LINGO2: variants seen among roughly 807,000 people sequenced by gnomAD.
LINGO2 encodes leucine rich repeat and Ig domain containing 2.
A neutral mutation model predicts 30.6 loss-of-function variants in LINGO2; 14 were observed. The ratio of observed to expected loss-of-function variants is 0.46; its 90% CI spans 0.30 to 0.72. LINGO2 has a LOEUF of 0.72. LINGO2 is among the 30% of genes least tolerant of loss of function. The pLI, the probability that LINGO2 is intolerant of heterozygous loss-of-function variation, is 0.07. For missense variants in LINGO2, 729 were observed against 751.7 expected (o/e 0.97, Z 0.35); for synonymous variants, 317 against 288.5 (o/e 1.10, Z -1.00).
At position 28,149,588 on chromosome 9, in the gene LINGO2, C is replaced by T. The variant is rs562478906; in HGVS notation, c.-86-137183G>A. ...AGTGAGGAGTGCCTGTGGAGTCCGC[C>T]GCCCTGTCTGGGAAGTGAGGAGTGC... On this transcript the variant is annotated intron_variant, in intron 4 of 5. Coordinates refer to ENST00000379992, the Ensembl canonical transcript of LINGO2. Among the ~76,000 whole-genome samples the T allele has an allele frequency of 2.8e-4, 42 of 149,808 alleles. No homozygotes were observed. In the South Asian group the frequency reaches 3.0e-3, roughly 11 times the overall value.
At chr9:28,127,258 AT>A (rs1463881258) in intron 4 of LINGO2, among the ~76,000 whole-genome samples, 1 of 152,102 alleles carries the variant, frequency 6.6e-6, no homozygotes, top group Non-Finnish European at 1.5e-5. Flanking sequence ...ATGTCCAGGG[AT>A]TTTGATGCTT....
intron 2 of LINGO2, among the ~76,000 whole-genome samples, chr9:28,419,748 A>G (rs890162529): frequency 1.3e-5 from 2 of 152,102 alleles, no homozygotes; most frequent in Non-Finnish European, 2.9e-5. Context: ...ATTCTGAAGA[A>G]TCTAAATTTG....
At chr9:29,098,502 T>C in the LINGO2 span, among the ~76,000 whole-genome samples, 20 of 150,884 alleles carry the variant, frequency 1.3e-4, no homozygotes, top group South Asian at 3.1e-3. Context: ...CACACATCAA[T>C]GAGGGGTATC....
the LINGO2 span, among the ~76,000 whole-genome samples, chr9:28,990,047 C>G: frequency 6.6e-6 from 1 of 152,204 alleles, no homozygotes; most frequent in Non-Finnish European, 1.5e-5. Flanking sequence ...GGGCGCAGGA[C>G]AGTGGTTGCA....
chr9:28,005,454 T>A (rs1822215802), intron 5 of LINGO2, among the ~76,000 whole-genome samples: 1 of 152,210 alleles, frequency 6.6e-6, no homozygotes, highest in African/African-American at 2.4e-5. Context: ...TCCCCTTCTC[T>A]TGCCAGTCTT....
chr9:28,689,999 C>G, the LINGO2 span, among the ~76,000 whole-genome samples: 13 of 152,204 alleles, frequency 8.5e-5, no homozygotes, highest in Non-Finnish European at 1.6e-4. Flanking sequence ...CATGTTCTCA[C>G]TTATAAGTGG....
the LINGO2 span, among the ~76,000 whole-genome samples, chr9:28,805,115 A>ATGTTAACATGTGATACTCAGGTTC: frequency 6.6e-6 from 1 of 152,156 alleles, no homozygotes; most frequent in Non-Finnish European, 1.5e-5. Context: ...TCTCGAGCAA[A>ATGTTAACATGTGATACTCAGGTTC]TGTTAACATG....
intron 1 of LINGO2, among the ~76,000 whole-genome samples, chr9:28,616,674 A>C (rs10812853): frequency 0.16 from 24,480 of 152,180 alleles, 2,423 homozygotes; most frequent in African/African-American, 0.27. Context: ...GAACTGGAAA[A>C]AAATGCACTG....
chr9:29,123,117 C>A, the LINGO2 span, among the ~76,000 whole-genome samples: 1 of 152,036 alleles, frequency 6.6e-6, no homozygotes, highest in African/African-American at 2.4e-5. Context: ...CAGGACAGAA[C>A]AGAACAGTTA....
At chr9:28,036,031 A>G (rs985267917) in intron 4 of LINGO2, among the ~76,000 whole-genome samples, 2 of 152,218 alleles carry the variant, frequency 1.3e-5, no homozygotes, top group African/African-American at 2.4e-5. Context: ...TAGATTTAGC[A>G]AAGTGCTTTG....
At chr9:28,397,164 A>G (rs181349797) in intron 2 of LINGO2, among the ~76,000 whole-genome samples, 5 of 152,222 alleles carry the variant, frequency 3.3e-5, no homozygotes, top group Non-Finnish European at 5.9e-5. Context: ...CTTGGCATGT[A>G]ATGAGTCTTG....
chr9:28,926,701 A>G, the LINGO2 span, among the ~76,000 whole-genome samples: 2 of 152,196 alleles, frequency 1.3e-5, no homozygotes, highest in Non-Finnish European at 2.9e-5. Context: ...GTGCTTAACT[A>G]TATATGTGGT....
chr9:28,857,684 A>T, the LINGO2 span, among the ~76,000 whole-genome samples: 1 of 152,106 alleles, frequency 6.6e-6, no homozygotes, highest in Non-Finnish European at 1.5e-5. Context: ...ACTTAAAATC[A>T]TATGAAATAT....
chr9:28,230,085 A>G (rs1821304881), intron 4 of LINGO2, among the ~76,000 whole-genome samples: 1 of 151,888 alleles, frequency 6.6e-6, no homozygotes, highest in South Asian at 2.1e-4. Flanking sequence ...GAAAAATTAA[A>G]ATAACTATCA....
the LINGO2 span, among the ~76,000 whole-genome samples, chr9:28,961,064 G>A: frequency 6.6e-6 from 1 of 152,064 alleles, no homozygotes; most frequent in Non-Finnish European, 1.5e-5. Context: ...TGCTCATGTA[G>A]ATTTATTTGG....
the LINGO2 span, among the ~76,000 whole-genome samples, chr9:28,784,163 G>T: frequency 6.6e-6 from 1 of 152,222 alleles, no homozygotes; most frequent in Non-Finnish European, 1.5e-5. Flanking sequence ...TAACTTTGCA[G>T]AGGCAACTGT....
intron 1 of LINGO2, among the ~76,000 whole-genome samples, chr9:28,541,022 A>C (rs1821670420): frequency 6.6e-6 from 1 of 152,184 alleles, no homozygotes; most frequent in African/African-American, 2.4e-5. Flanking sequence ...AAATTATTTG[A>C]ACACATTTCT....
the LINGO2 span, among the ~76,000 whole-genome samples, chr9:28,854,470 T>C: frequency 6.6e-6 from 1 of 152,000 alleles, no homozygotes; most frequent in Non-Finnish European, 1.5e-5. Context: ...GGGCTATTTG[T>C]AGATGAGCTT....
At chr9:28,573,333 C>T (rs149060632) in intron 1 of LINGO2, among the ~76,000 whole-genome samples, 37 of 152,274 alleles carry the variant, frequency 2.4e-4, no homozygotes, top group Admixed American at 1.2e-3. Flanking sequence ...GAAATCTTTA[C>T]ATGTATACAC....
Sources: allele counts gnomAD v4.1 joint callset (sites outside exome capture counted in the v4.1 genomes callset), GRCh38; gene constraint gnomAD v4.1.1; transcripts MANE v1.5; gene names NCBI Gene and HGNC (gene_info 2026-07-23, HGNC 2026-07-21).